SPHKAP: variants seen among roughly 807,000 people sequenced by gnomAD.
The protein encoded by SPHKAP is A-kinase anchor protein SPHKAP.
In SPHKAP, 67 loss-of-function variants were observed where a neutral mutation model predicts 137.5. The ratio of observed to expected loss-of-function variants is 0.49; its 90% CI spans 0.40 to 0.60. The LOEUF (loss-of-function observed/expected upper bound fraction) is 0.60, where lower values mean the gene tolerates loss of function less well. SPHKAP is among the 20% of genes least tolerant of loss of function. The pLI is 0.00. For missense variants in SPHKAP, 2,097 were observed against 2,069.3 expected (o/e 1.01, Z -0.26); for synonymous variants, 813 against 785.3 (o/e 1.04, Z -0.59).
Position 228,017,606 on chromosome 2 carries a change from C to T in SPHKAP, c.3248G>A (p.Cys1083Tyr). 6.2e-7 allele frequency: 1 copy of T among 1,613,938 alleles called. No individual in the cohort carries two copies. The highest frequency in any genetic ancestry group is 8.5e-7 in the Non-Finnish European group (1 of 1,180,034). Residue 1083 changes from cysteine (C) to tyrosine (Y), a missense_variant, in exon 7 of 12, where the codon TGC becomes TAC. Transcript: ENST00000392056. The stretch of plus-strand genomic sequence containing the variant: ...GGAGTCTTCCTCAGGAATGCTTTCG[C>T]AGCTGGAGGCCTTCAGCCGGCTCCA... ...DRWSRLKASS[C>Y]ESIPEEDSEA... is the part of the protein sequence containing the mutation.
intron 1 of SPHKAP, among the ~76,000 whole-genome samples, chr2:228,174,217 G>A (rs991084817): frequency 1.8e-4 from 27 of 152,146 alleles, no homozygotes; most frequent in African/African-American, 6.0e-4. Flanking sequence ...TTCAGAGACC[G>A]TATTTTGAGA....
At chr2:228,075,260 G>T (rs1307681838) in intron 3 of SPHKAP, among the ~76,000 whole-genome samples, 1 of 152,090 alleles carries the variant, frequency 6.6e-6, no homozygotes. Flanking sequence ...TTGTCTTTTG[G>T]TATATACAGA....
chr2:228,107,252 A>T (rs576684807), intron 3 of SPHKAP, among the ~76,000 whole-genome samples: 1 of 152,104 alleles, frequency 6.6e-6, no homozygotes, highest in African/African-American at 2.4e-5. Context: ...TGAATCCATT[A>T]TCTCAGCCCC....
chr2:228,093,801 A>T (rs1305684598), intron 3 of SPHKAP, among the ~76,000 whole-genome samples: 1 of 138,002 alleles, frequency 7.2e-6, no homozygotes, highest in Non-Finnish European at 1.5e-5. Flanking sequence ...GAGAGGTTGC[A>T]GTGAGCCGAG....
At chr2:228,170,674 TAATAC>T (rs1700559110) in intron 1 of SPHKAP, among the ~76,000 whole-genome samples, 1 of 152,144 alleles carries the variant, frequency 6.6e-6, no homozygotes, top group African/African-American at 2.4e-5. Context: ...GTTTTACACA[TAATAC>T]TATCACACAC....
chr2:228,151,274 T>C (rs1385289886), intron 1 of SPHKAP, among the ~76,000 whole-genome samples: 2 of 152,018 alleles, frequency 1.3e-5, no homozygotes, highest in African/African-American at 4.8e-5. Context: ...CATCATTTTT[T>C]ATGGCTGCAT....
rs28869271 is a variant in SPHKAP, at chr2:228,008,404, C to T, written c.4448+8002G>A. Among the ~76,000 whole-genome samples, 464 of 151,194 alleles carry T rather than the reference C, an allele frequency of 3.1e-3. 7 individuals are homozygous for T. The highest frequency in any genetic ancestry group is 0.01 in the African/African-American group (414 of 41,206). On this transcript the variant is annotated intron_variant, in intron 7 of 11. Transcript: ENST00000392056. ...CTCTACCTCTCAGGTTCAAGAGATT[C>T]TCCTGTCTCAGCCTCCCAAGTAGCT...
chr2:228,034,866 T>C (rs1433203618), intron 3 of SPHKAP, among the ~76,000 whole-genome samples: 1 of 152,134 alleles, frequency 6.6e-6, no homozygotes, highest in East Asian at 1.9e-4. Flanking sequence ...AATTAGGTAT[T>C]GATGGGACAT....
chr2:228,008,262 T>C (rs944790286), intron 7 of SPHKAP, among the ~76,000 whole-genome samples: 1 of 151,866 alleles, frequency 6.6e-6, no homozygotes, highest in African/African-American at 2.4e-5. Flanking sequence ...CCACAATCCA[T>C]CTAGATTTTT....
intron 7 of SPHKAP, among the ~76,000 whole-genome samples, chr2:228,010,447 G>A (rs778758619): frequency 2.0e-5 from 3 of 152,116 alleles, no homozygotes; most frequent in African/African-American, 7.2e-5. Context: ...CAGGAGAATC[G>A]CTTGCAGCTG....
chr2:228,168,855 A>G (rs1700496512), intron 1 of SPHKAP, among the ~76,000 whole-genome samples: 1 of 152,198 alleles, frequency 6.6e-6, no homozygotes, highest in South Asian at 2.1e-4. Context: ...TTGTGAATGC[A>G]AAGGAAAAAG....
chr2:228,017,447 T>G lies in SPHKAP; in HGVS notation c.3407A>C (p.Gln1136Pro), dbSNP rs555971698. 21 of 1,613,960 alleles carry G rather than the reference T, an allele frequency of 1.3e-5. 1 individual carries two copies. The Admixed American group carries it at 2.5e-4, about 19-fold the overall frequency. Reference protein sequence around the residue: ...TDEFSRFMVNQMENEGRGFEL... With the variant: ...TDEFSRFMVNPMENEGRGFEL... ...AAATCCTCTCCCTTCATTTTCCATC[T>G]GGTTCACCATGAACCTGGAAAACTC... is the stretch of plus-strand genomic sequence containing the variant. Residue 1136 changes from glutamine to proline, a missense_variant, in exon 7 of 12, where the codon CAG becomes CCG. Gln to Pro is a moderately conservative substitution (Grantham distance 76, BLOSUM62 -1). Transcript: ENST00000392056.
intron 3 of SPHKAP, among the ~76,000 whole-genome samples, chr2:228,068,854 A>T (rs1413680897): frequency 1.3e-5 from 2 of 152,214 alleles, no homozygotes; most frequent in African/African-American, 4.8e-5. Flanking sequence ...TGAAATATTT[A>T]GTTTTAAAAG....
At chr2:228,062,376 C>T (rs536366262) in intron 3 of SPHKAP, among the ~76,000 whole-genome samples, 203 of 151,782 alleles carry the variant, frequency 1.3e-3, no homozygotes, top group Non-Finnish European at 2.5e-3. Context: ...CCACCTGCCT[C>T]GGCCTCCCAA....
At chr2:228,002,956 T>C (rs2106183253) in intron 7 of SPHKAP, among the ~76,000 whole-genome samples, 1 of 151,698 alleles carries the variant, frequency 6.6e-6, no homozygotes, top group Non-Finnish European at 1.5e-5. Context: ...TACCATGCTG[T>C]TTTGGTTACT....
At chr2:228,001,169 C>T (rs1693841137) in intron 7 of SPHKAP, among the ~76,000 whole-genome samples, 1 of 150,258 alleles carries the variant, frequency 6.7e-6, no homozygotes. Flanking sequence ...ATATGCTATC[C>T]ATACATGTTC....
intron 8 of SPHKAP, 121 bp downstream of exon 8, chr2:227,995,388 T>C (rs1416633038): frequency 2.9e-5 from 36 of 1,234,792 alleles, no homozygotes; most frequent in Admixed American, 7.5e-5. Context: ...GTGGGAACTT[T>C]CCTTTTTTTG....
At chr2:228,170,015 T>G (rs1267946113) in intron 1 of SPHKAP, among the ~76,000 whole-genome samples, 1 of 151,266 alleles carries the variant, frequency 6.6e-6, no homozygotes, top group African/African-American at 2.4e-5. Flanking sequence ...TTAATGAGAG[T>G]CTGGAAGATG....
chr2:227,996,134 T>C (rs1251193242), intron 7 of SPHKAP: 2 of 984,826 alleles, frequency 2.0e-6, no homozygotes, highest in Admixed American at 6.1e-5. Context: ...GAAAAATACC[T>C]ACCCCGTTTC....
Sources: gnomAD v4.1 joint callset for allele counts (sites outside exome capture counted in the v4.1 genomes callset) on GRCh38, gnomAD v4.1.1 for gene constraint, MANE v1.5 for transcripts, NCBI Gene and HGNC (gene_info 2026-07-23, HGNC 2026-07-21) for gene names.